The following PRKCQ variants were observed in gnomAD, a reference collection of about 807,000 sequenced individuals.
PRKCQ encodes the protein protein kinase C theta, also known as protein kinase C theta type.
In PRKCQ, 41 loss-of-function variants were observed where a neutral mutation model predicts 91.2. The ratio of observed to expected loss-of-function variants is 0.45; its 90% confidence interval spans 0.35 to 0.58. The LOEUF (loss-of-function observed/expected upper bound fraction) is 0.58. Among genes scored for constraint, PRKCQ ranks in the 20% least tolerant of loss-of-function variants. The probability of loss-of-function intolerance (pLI) is 0.00; values close to 1 mark genes in which losing one functional copy is unlikely to be tolerated. For missense variants in PRKCQ, 673 were observed against 896.5 expected (o/e 0.75, Z 3.18); for synonymous variants, 307 against 316.9 (o/e 0.97, Z 0.33).
At chr10:6,561,437 C>G (rs550105585) in intron 1 of PRKCQ, among the ~76,000 whole-genome samples, 14 of 148,394 alleles carry the variant, frequency 9.4e-5, no homozygotes, top group African/African-American at 3.0e-4. Context: ...ATAAGGGTAT[C>G]TTTTTGAACT....
At chr10:6,405,486 A>T in the PRKCQ span, among the ~76,000 whole-genome samples, 5 of 152,270 alleles carry the variant, frequency 3.3e-5, no homozygotes, top group South Asian at 2.1e-4. Flanking sequence ...CAAATCACCC[A>T]TGACAATAAC....
chr10:6,477,194 G>A (rs895992197), intron 12 of PRKCQ, among the ~76,000 whole-genome samples: 1 of 152,072 alleles, frequency 6.6e-6, no homozygotes, highest in African/African-American at 2.4e-5. Flanking sequence ...CTGGTACTTT[G>A]TGTCTGCCTT....
chr10:6,534,128 G>GA (rs1199239343), intron 1 of PRKCQ, among the ~76,000 whole-genome samples: 1 of 152,010 alleles, frequency 6.6e-6, no homozygotes, highest in Non-Finnish European at 1.5e-5. Flanking sequence ...ATCCCCTAAT[G>GA]AAAAAATGGG....
rs1841254666 is a variant in PRKCQ at position 6,576,798 on chromosome 10, G to T, written c.-10+3413C>A. 6.6e-6 allele frequency among the ~76,000 whole-genome samples: 1 copy of T among 152,130 alleles called. No individual in the cohort carries two copies. Among genetic ancestry groups the T allele is most frequent in the South Asian group, 2.1e-4 (1 of 4,824 alleles). On this transcript the variant is annotated intron_variant, in intron 1 of 17. Coordinates refer to ENST00000263125, the MANE Select transcript of PRKCQ (RefSeq NM_006257.5). The surrounding 1 kb of genome is among the most constrained non-coding windows in gnomAD (Gnocchi z 4.2). ...AATGCTTGATGGTTAGACTAATCTG[G>T]ATGGTCCAACTAACCTGACTCTACC...
intron 9 of PRKCQ, 58 bp from the exon 10 acceptor site, chr10:6,485,327 A>C: frequency 1.9e-4 from 249 of 1,336,408 alleles, no homozygotes; most frequent in Non-Finnish European, 2.5e-4. Context: ...GGAACAGCTC[A>C]GCCTGCTAAC....
intron 1 of PRKCQ, among the ~76,000 whole-genome samples, chr10:6,542,602 G>A (rs1433388150): frequency 6.6e-6 from 1 of 152,142 alleles, no homozygotes; most frequent in East Asian, 1.9e-4. Flanking sequence ...GTTCTCCCTC[G>A]GGGACAACAG....
the PRKCQ span, among the ~76,000 whole-genome samples, chr10:6,407,312 T>G: frequency 1.3e-5 from 2 of 149,792 alleles, no homozygotes; most frequent in Non-Finnish European, 3.0e-5. This position sits in a 1 kb window ranked among gnomAD's most constrained non-coding sequence, Gnocchi z 4.0. Flanking sequence ...ATAAGAGGCA[T>G]CTGGAGGGGG....
At chr10:6,467,359 G>C (rs1424060352) in intron 12 of PRKCQ, among the ~76,000 whole-genome samples, 195 of 113,726 alleles carry the variant, frequency 1.7e-3, no homozygotes, top group African/African-American at 4.6e-3. Context: ...GAGAGAGACA[G>C]AGAGAGAGAG....
chr10:6,504,267 G>C (rs547315911), intron 4 of PRKCQ, among the ~76,000 whole-genome samples: 1 of 152,204 alleles, frequency 6.6e-6, no homozygotes, highest in South Asian at 2.1e-4. Context: ...GTGAAATTTT[G>C]TAGACCAATA....
At chr10:6,532,166 T>C (rs1263821481) in intron 1 of PRKCQ, among the ~76,000 whole-genome samples, 1 of 152,256 alleles carries the variant, frequency 6.6e-6, no homozygotes, top group African/African-American at 2.4e-5. Context: ...TACTGATTTC[T>C]GAGCAGTGTA....
intron 12 of PRKCQ, among the ~76,000 whole-genome samples, chr10:6,478,547 T>A (rs1311554541): frequency 6.6e-6 from 1 of 152,210 alleles, no homozygotes; most frequent in Non-Finnish European, 1.5e-5. Context: ...CTCAGGGGCT[T>A]GCTCACTGAT....
At chr10:6,517,556 T>C (rs1463765422) in intron 1 of PRKCQ, among the ~76,000 whole-genome samples, 1 of 145,896 alleles carries the variant, frequency 6.9e-6, no homozygotes, top group Non-Finnish European at 1.5e-5. Flanking sequence ...AACTTCTACA[T>C]GCCAGAAAAA....
chr10:6,569,909 G>A (rs1005403052), intron 1 of PRKCQ, among the ~76,000 whole-genome samples: 1 of 152,100 alleles, frequency 6.6e-6, no homozygotes. Context: ...AAGGATCTGG[G>A]GCAGTCATGA....
intron 15 of PRKCQ, among the ~76,000 whole-genome samples, chr10:6,442,546 C>A (rs1427600478): frequency 6.6e-6 from 1 of 152,182 alleles, no homozygotes; most frequent in African/African-American, 2.4e-5. Context: ...GTCATCTGGA[C>A]AGTTCCCTTC....
At chr10:6,554,327 C>A (rs983636616) in intron 1 of PRKCQ, among the ~76,000 whole-genome samples, 1 of 152,068 alleles carries the variant, frequency 6.6e-6, no homozygotes, top group Non-Finnish European at 1.5e-5. Context: ...AAATGGGGGT[C>A]CAAACTGGGA....
intron 1 of PRKCQ, among the ~76,000 whole-genome samples, chr10:6,519,515 A>C (rs985969214): frequency 6.6e-6 from 1 of 152,174 alleles, no homozygotes; most frequent in African/African-American, 2.4e-5. Context: ...AATCAGGCGA[A>C]GTTTGAGACT....
intron 8 of PRKCQ, among the ~76,000 whole-genome samples, chr10:6,491,295 G>T (rs1837282035): frequency 6.6e-6 from 1 of 152,214 alleles, no homozygotes; most frequent in Non-Finnish European, 1.5e-5. Context: ...GAAGGGTTAG[G>T]GTACCACACA....
chr10:6,410,958 C>T, the PRKCQ span, among the ~76,000 whole-genome samples: 1 of 125,074 alleles, frequency 8.0e-6, no homozygotes, highest in African/African-American at 3.1e-5. Flanking sequence ...GCCCAGGCGA[C>T]AGAGTGAGAT....
intron 1 of PRKCQ, among the ~76,000 whole-genome samples, chr10:6,555,307 G>A (rs553323683): frequency 1.1e-4 from 16 of 151,452 alleles, no homozygotes; most frequent in Admixed American, 6.6e-4. Flanking sequence ...AAACCTCCTC[G>A]AGAAGGATCT....
Sources: gnomAD v4.1 joint callset for allele counts (sites outside exome capture counted in the v4.1 genomes callset) on GRCh38, gnomAD v4.1.1 for gene constraint, Gnocchi (gnomAD v3.1) non-coding constraint, MANE v1.5 for transcripts, NCBI Gene and HGNC (gene_info 2026-07-23, HGNC 2026-07-21) for gene names.